The following JAKMIP1 variants were observed in gnomAD, a reference collection of about 807,000 sequenced individuals.
The protein encoded by JAKMIP1 is janus kinase and microtubule-interacting protein 1.
A neutral mutation model predicts 113.0 loss-of-function variants in JAKMIP1; 33 were observed. That is an observed-to-expected ratio of 0.29 (90% CI 0.22 to 0.39). The LOEUF (loss-of-function observed/expected upper bound fraction) is 0.39. Among genes scored for constraint, JAKMIP1 ranks in the 10% least tolerant of loss-of-function variants. JAKMIP1 has a pLI of 1.00. For missense variants in JAKMIP1, 813 were observed against 1,080.5 expected (o/e 0.75, Z 3.47); for synonymous variants, 480 against 459.9 (o/e 1.04, Z -0.56).
intron 19 of JAKMIP1, among the ~76,000 whole-genome samples, chr4:6,033,694 C>T (rs1207878389): frequency 6.6e-6 from 1 of 152,130 alleles, no homozygotes; most frequent in Non-Finnish European, 1.5e-5. Flanking sequence ...CCTAATGCTG[C>T]ATCATAGCTT....
chr4:6,105,343 G>A, intron 3 of JAKMIP1, 130 bp downstream of exon 3: 1 of 771,126 alleles, frequency 1.3e-6, no homozygotes, highest in South Asian at 1.9e-5. Flanking sequence ...AGACGGGAGG[G>A]AGGTTGCTGG....
At chr4:6,078,314 A>G (rs918162154) in intron 8 of JAKMIP1, among the ~76,000 whole-genome samples, 4 of 136,666 alleles carry the variant, frequency 2.9e-5, no homozygotes, top group Non-Finnish European at 6.2e-5. Context: ...GACTCTGTCT[A>G]AAAAAAAAAA....
chr4:6,059,499 A>G lies in JAKMIP1; in HGVS notation c.1644+925T>C, dbSNP rs927275834. On this transcript the variant is annotated intron_variant, in intron 11 of 20. Coordinates refer to ENST00000409021, the MANE Select transcript of JAKMIP1 (RefSeq NM_001099433.2). This position sits in a 1 kb window ranked among gnomAD's most constrained non-coding sequence, Gnocchi z 4.8. ...CCTTGCCTGGCCTCCTCAGCCCCCC[A>G]TAGATGCCTCTCTGCAGGCAGGGGT... is the stretch of plus-strand genomic sequence containing the variant. 3.3e-5 allele frequency among the ~76,000 whole-genome samples: 5 copies of G among 151,998 alleles called. No homozygotes were observed. Among genetic ancestry groups the G allele is most frequent in the African/African-American group, 1.2e-4 (5 of 41,408 alleles).
At chr4:6,111,060 A>G (rs1714854327) in intron 2 of JAKMIP1, among the ~76,000 whole-genome samples, 1 of 152,084 alleles carries the variant, frequency 6.6e-6, no homozygotes, top group Non-Finnish European at 1.5e-5. Context: ...CCCAAGTTCC[A>G]GAAGCCCAGT....
intron 1 of JAKMIP1, among the ~76,000 whole-genome samples, chr4:6,159,094 A>AAT (rs1722595932): frequency 6.6e-6 from 1 of 151,724 alleles, no homozygotes; most frequent in Non-Finnish European, 1.5e-5. Context: ...GTCTCAAAAA[A>AAT]AAAAAAAATT....
At chr4:6,085,695 T>A in intron 3 of JAKMIP1, 66 bp from the exon 4 acceptor site, 1 of 1,493,898 alleles carries the variant, frequency 6.7e-7, no homozygotes, top group South Asian at 1.1e-5. Flanking sequence ...TCTCCCCAAA[T>A]TGGGGCCTTC....
Position 6,185,133 on chromosome 4 carries a change from C to T in JAKMIP1, c.-148+15120G>A, listed in dbSNP as rs935918911. On this transcript the variant is annotated intron_variant, in intron 1 of 20. Transcript: ENST00000409021. This position sits in a 1 kb window ranked among gnomAD's most constrained non-coding sequence, Gnocchi z 5.3. The stretch of plus-strand genomic sequence containing the variant: ...TACTTTTGAGGTTTTGGGACTCGAA[C>T]TGGCTTCCTTGCTCCTCAGCTTGCA... 1.3e-5 allele frequency among the ~76,000 whole-genome samples: 2 copies of T among 152,246 alleles called. No homozygotes were observed. The highest frequency in any genetic ancestry group is 2.9e-5 in the Non-Finnish European group (2 of 68,050).
chr4:6,182,676 G>A (rs940423719), intron 1 of JAKMIP1, among the ~76,000 whole-genome samples: 2 of 152,206 alleles, frequency 1.3e-5, no homozygotes, highest in Non-Finnish European at 2.9e-5. Context: ...CAGCCAAATG[G>A]TCTGAGACAG....
chr4:6,144,344 A>C (rs1392697767), intron 1 of JAKMIP1, among the ~76,000 whole-genome samples: 2 of 152,246 alleles, frequency 1.3e-5, no homozygotes, highest in East Asian at 3.8e-4. Flanking sequence ...TAACTCTTTC[A>C]AAAAGTAAAA....
rs1464550634 is a variant in JAKMIP1, at chr4:6,135,552, G to A, written c.-147-22555C>T. On this transcript the variant is annotated intron_variant, in intron 1 of 20. Coordinates refer to ENST00000409021, the MANE Select transcript of JAKMIP1 (RefSeq NM_001099433.2). This position sits in a 1 kb window ranked among gnomAD's most constrained non-coding sequence, Gnocchi z 4.9. ...CTGCCCGACCCCACTCCACGGACGGGGATTTCCCAGGTCCAGCCTGGCCTA... is the reference window on the plus strand; with the variant it reads ...CTGCCCGACCCCACTCCACGGACGGAGATTTCCCAGGTCCAGCCTGGCCTA... Among the ~76,000 whole-genome samples, 2 of 152,150 alleles carry A rather than the reference G, an allele frequency of 1.3e-5. No individual in the cohort carries two copies. Among genetic ancestry groups the A allele is most frequent in the Non-Finnish European group, 2.9e-5 (2 of 68,016 alleles).
At chr4:6,164,288 C>A (rs1316202657) in intron 1 of JAKMIP1, among the ~76,000 whole-genome samples, 1 of 152,158 alleles carries the variant, frequency 6.6e-6, no homozygotes, top group Non-Finnish European at 1.5e-5. Flanking sequence ...GGGCCCTGTG[C>A]TCTAAAAATG....
chr4:6,108,740 G>A lies in JAKMIP1; in HGVS notation c.130-2773C>T, dbSNP rs555127890. Among the ~76,000 whole-genome samples the A allele has an allele frequency of 6.6e-5, 10 of 152,340 alleles. No individual in the cohort carries two copies. Among genetic ancestry groups the A allele is most frequent in the African/African-American group, 1.9e-4 (8 of 41,586 alleles). ...ACATGTATAGTGTTGAACAAAGAAA[G>A]TGGATGGCAGAGGGGGAAGCCAGGT... On this transcript the variant is annotated intron_variant, in intron 2 of 20. Coordinates refer to ENST00000409021, the MANE Select transcript of JAKMIP1 (RefSeq NM_001099433.2). This position sits in a 1 kb window ranked among gnomAD's most constrained non-coding sequence, Gnocchi z 5.6.
chr4:6,100,750 T>C (rs1323437582), intron 3 of JAKMIP1, among the ~76,000 whole-genome samples: 1 of 152,248 alleles, frequency 6.6e-6, no homozygotes, highest in Non-Finnish European at 1.5e-5. Context: ...TGTCTGTTTT[T>C]TTTTAATAGT....
chr4:6,147,977 C>A (rs139213910), intron 1 of JAKMIP1, among the ~76,000 whole-genome samples: 60 of 152,358 alleles, frequency 3.9e-4, no homozygotes, highest in Admixed American at 6.5e-4. Context: ...TCCCTATCAG[C>A]CTTGAGCTCA....
At chr4:6,066,972 T>C (rs896459870) in intron 8 of JAKMIP1, among the ~76,000 whole-genome samples, 18 of 152,080 alleles carry the variant, frequency 1.2e-4, no homozygotes, top group Non-Finnish European at 1.9e-4. Flanking sequence ...TCCACATGTC[T>C]CCTTCCCTAG....
At chr4:6,062,680 C>T (rs1296546156) in intron 9 of JAKMIP1, among the ~76,000 whole-genome samples, 1 of 152,202 alleles carries the variant, frequency 6.6e-6, no homozygotes, top group African/African-American at 2.4e-5. Flanking sequence ...GGCACCTCCT[C>T]AGCCATCAGC....
intron 1 of JAKMIP1, among the ~76,000 whole-genome samples, chr4:6,170,884 C>T (rs2109022087): frequency 6.6e-6 from 1 of 151,142 alleles, no homozygotes; most frequent in South Asian, 2.1e-4. Context: ...TCACCTCCAT[C>T]ACCTCCACCA....
At position 6,140,400 on chromosome 4, in the gene JAKMIP1, T is replaced by C. The variant is rs1719957306; in HGVS notation, c.-147-27403A>G. On this transcript the variant is annotated intron_variant, in intron 1 of 20. Coordinates refer to ENST00000409021, the MANE Select transcript of JAKMIP1 (RefSeq NM_001099433.2). This position sits in a 1 kb window ranked among gnomAD's most constrained non-coding sequence, Gnocchi z 9.4. Reference sequence around the variant, plus strand: ...TGGCTCAGCAGGAGCACTGTCCCTGTTCCCCCAAAAGGCCCACCACAGACC... The same window carrying C: ...TGGCTCAGCAGGAGCACTGTCCCTGCTCCCCCAAAAGGCCCACCACAGACC... Among the ~76,000 whole-genome samples, 2 of 152,066 alleles carry C rather than the reference T, an allele frequency of 1.3e-5. No homozygotes were observed. The highest frequency in any genetic ancestry group is 4.8e-5 in the African/African-American group (2 of 41,358).
intron 1 of JAKMIP1, among the ~76,000 whole-genome samples, chr4:6,132,830 C>A (rs1429140398): frequency 1.3e-5 from 2 of 152,056 alleles, no homozygotes; most frequent in Non-Finnish European, 2.9e-5. Context: ...GATCAAAAAA[C>A]AAGGCACAAC....
Sources: gnomAD v4.1 joint callset for allele counts (sites outside exome capture counted in the v4.1 genomes callset) on GRCh38, gnomAD v4.1.1 for gene constraint, Gnocchi (gnomAD v3.1) non-coding constraint, MANE v1.5 for transcripts, NCBI Gene and HGNC (gene_info 2026-07-23, HGNC 2026-07-21) for gene names.